The following TOX3 variants were observed in gnomAD, a reference collection of about 807,000 sequenced individuals.
TOX3 encodes the protein TOX high mobility group box family member 3.
A neutral mutation model predicts 64.3 loss-of-function variants in TOX3; 22 were observed. The ratio of observed to expected loss-of-function variants is 0.34; its 90% CI spans 0.24 to 0.49. The LOEUF (loss-of-function observed/expected upper bound fraction) is 0.49, where lower values mean the gene tolerates loss of function less well. Ranked by LOEUF, TOX3 falls within the 20% of genes least tolerant of loss-of-function variation. The pLI, the probability that TOX3 is intolerant of heterozygous loss-of-function variation, is 0.99. For missense variants in TOX3, 661 were observed against 714.4 expected (o/e 0.93, Z 0.85); for synonymous variants, 291 against 273.6 (o/e 1.06, Z -0.63).
At position 52,438,990 on chromosome 16, in the gene TOX3, C is replaced by T. The variant is rs1305778088; in HGVS notation, c.*235G>A. On this transcript the variant is annotated 3_prime_UTR_variant, in exon 7 of 7. Coordinates refer to ENST00000219746, the MANE Select transcript of TOX3 (RefSeq NM_001080430.4). ...GCCTGAATAAATAAAAAAGGCATCACATAAAAGAGCACAGCTTTTCTTGTT... is the reference window on the plus strand; with the variant it reads ...GCCTGAATAAATAAAAAAGGCATCATATAAAAGAGCACAGCTTTTCTTGTT... 2 of 703,920 alleles carry T rather than the reference C, an allele frequency of 2.8e-6. No homozygotes were observed. The highest frequency in any genetic ancestry group is 1.4e-5 in the South Asian group (1 of 70,842). 43.6% of individuals were successfully genotyped at this position (703,920 alleles called of 1,614,324 possible). A position where few individuals can be genotyped will look rare whatever the true frequency, so the allele number is the denominator to read the frequency against.
intron 1 of TOX3, among the ~76,000 whole-genome samples, chr16:52,535,201 C>T (rs1962922452): frequency 6.6e-6 from 1 of 152,234 alleles, no homozygotes; most frequent in Non-Finnish European, 1.5e-5. Context: ...CTCACTCACA[C>T]ACAGCACACT....
intron 3 of TOX3, among the ~76,000 whole-genome samples, chr16:52,462,283 A>G (rs1009107131): frequency 6.6e-6 from 1 of 152,100 alleles, no homozygotes; most frequent in Non-Finnish European, 1.5e-5. Context: ...CTCTTTCCCA[A>G]CGCCAGTCCG....
chr16:52,486,730 G>A (rs916500963), intron 1 of TOX3, among the ~76,000 whole-genome samples: 8 of 152,076 alleles, frequency 5.3e-5, no homozygotes, highest in East Asian at 1.9e-4. Flanking sequence ...CCTGGAGTTC[G>A]AGACCAGCCT....
chr16:52,483,760 G>C (rs947118998), intron 1 of TOX3, among the ~76,000 whole-genome samples: 6 of 148,732 alleles, frequency 4.0e-5, no homozygotes, highest in African/African-American at 7.6e-5. Context: ...TTAGAGACAG[G>C]GTTTCACCAT....
At chr16:52,487,856 G>A (rs1434462429) in intron 1 of TOX3, among the ~76,000 whole-genome samples, 2 of 152,160 alleles carry the variant, frequency 1.3e-5, no homozygotes, top group Non-Finnish European at 2.9e-5. Context: ...TTGTGTCTGT[G>A]GAGCAATGTG....
Position 52,473,865 on chromosome 16 carries a change from C to CAT in TOX3, c.88-5293_88-5292dup, listed in dbSNP as rs749835341. On this transcript the variant is annotated intron_variant, in intron 1 of 6. Transcript: ENST00000219746. ...TATAATATAGGAATCTATATATAAT[C>CAT]ATATATAGTTATGTATACACACAAG... Among the ~76,000 whole-genome samples, 374 of 152,180 alleles carry CAT rather than the reference C, an allele frequency of 2.5e-3. 1 individual carries two copies. Among genetic ancestry groups the CAT allele is most frequent in the Middle Eastern group, 3.4e-3 (1 of 294 alleles).
At chr16:52,541,181 G>A (rs1963070812) in intron 1 of TOX3, among the ~76,000 whole-genome samples, 1 of 152,104 alleles carries the variant, frequency 6.6e-6, no homozygotes. Flanking sequence ...TGGTTCTTGT[G>A]CATGGTAAAG....
At chr16:52,513,737 A>T (rs937870307) in intron 1 of TOX3, among the ~76,000 whole-genome samples, 2 of 152,212 alleles carry the variant, frequency 1.3e-5, no homozygotes, top group Non-Finnish European at 2.9e-5. Flanking sequence ...CAAACTTTTA[A>T]AATAAGGGGA....
intron 3 of TOX3, among the ~76,000 whole-genome samples, chr16:52,461,558 T>C (rs1960689787): frequency 6.6e-6 from 1 of 152,114 alleles, no homozygotes; most frequent in South Asian, 2.1e-4. Flanking sequence ...GGAAAACCGA[T>C]GAAGCTCTGA....
chr16:52,443,226 C>A (rs929942058), intron 6 of TOX3, among the ~76,000 whole-genome samples: 1 of 152,152 alleles, frequency 6.6e-6, no homozygotes, highest in African/African-American at 2.4e-5. Flanking sequence ...TGCCAATGTG[C>A]AAGTCTGAGT....
chr16:52,478,149 A>G (rs927528910), intron 1 of TOX3, among the ~76,000 whole-genome samples: 7 of 152,238 alleles, frequency 4.6e-5, no homozygotes, highest in Non-Finnish European at 1.0e-4. Context: ...GAGAAATCCA[A>G]TGGCTTCCCA....
intron 1 of TOX3, among the ~76,000 whole-genome samples, chr16:52,474,856 T>A (rs1373112804): frequency 6.6e-6 from 1 of 152,148 alleles, no homozygotes; most frequent in Non-Finnish European, 1.5e-5. Flanking sequence ...ATCCTTACAA[T>A]TGCCCCATTT....
At chr16:52,535,864 A>C (rs1406470238) in intron 1 of TOX3, among the ~76,000 whole-genome samples, 2 of 152,220 alleles carry the variant, frequency 1.3e-5, no homozygotes, top group Non-Finnish European at 2.9e-5. Flanking sequence ...TGATAAAAAA[A>C]ATTAAAAATA....
rs185675022 is a variant in TOX3, at chr16:52,469,683, G to A, written c.88-1109C>T. On this transcript the variant is annotated intron_variant, in intron 1 of 6. Transcript: ENST00000219746. ...ATGGATGGATGGAGATAAATGGGTA[G>A]GTACATAGATAAATACACAGATAAA... Among the ~76,000 whole-genome samples the A allele has an allele frequency of 3.9e-5, 6 of 152,162 alleles. No individual in the cohort carries two copies. The East Asian group carries it at 1.2e-3, about 29-fold the overall frequency.
At chr16:52,484,894 T>C (rs1238726685) in intron 1 of TOX3, among the ~76,000 whole-genome samples, 2 of 152,090 alleles carry the variant, frequency 1.3e-5, no homozygotes, top group Non-Finnish European at 2.9e-5. Flanking sequence ...GAACTGGGTA[T>C]CTACCCAAAG....
chr16:52,456,398 G>A (rs1392175788), intron 3 of TOX3, among the ~76,000 whole-genome samples: 1 of 152,152 alleles, frequency 6.6e-6, no homozygotes, highest in East Asian at 1.9e-4. Flanking sequence ...GTGGGCCATG[G>A]ATCTCATAAA....
At chr16:52,488,898 C>T (rs560760206) in intron 1 of TOX3, among the ~76,000 whole-genome samples, 1 of 152,280 alleles carries the variant, frequency 6.6e-6, no homozygotes, top group South Asian at 2.1e-4. Context: ...CCTCTCCAAG[C>T]ACTCAGCACC....
intron 1 of TOX3, among the ~76,000 whole-genome samples, chr16:52,477,866 CT>C (rs1351951050): frequency 4.6e-5 from 7 of 152,094 alleles, no homozygotes; most frequent in Non-Finnish European, 1.0e-4. Context: ...GAGACAGAGT[CT>C]TGCTCTGTTG....
intron 1 of TOX3, among the ~76,000 whole-genome samples, chr16:52,507,909 G>A (rs1458924665): frequency 6.6e-6 from 1 of 152,178 alleles, no homozygotes; most frequent in Non-Finnish European, 1.5e-5. Flanking sequence ...TTCCCAGGAA[G>A]GAGTGAAGGT....
Sources: gnomAD v4.1 joint callset for allele counts (sites outside exome capture counted in the v4.1 genomes callset) on GRCh38, gnomAD v4.1.1 for gene constraint, MANE v1.5 for transcripts, NCBI Gene and HGNC (gene_info 2026-07-23, HGNC 2026-07-21) for gene names.